Variants in IQSEC1 observed in about 807,000 individuals in gnomAD.
The protein encoded by IQSEC1 is IQ motif and Sec7 domain ArfGEF 1.
In IQSEC1, 31 loss-of-function variants were observed where a neutral mutation model predicts 91.0. The ratio of observed to expected loss-of-function variants is 0.34; its 90% CI spans 0.26 to 0.46. IQSEC1 has a LOEUF of 0.46. Among genes scored for constraint, IQSEC1 ranks in the 20% least tolerant of loss-of-function variants. The probability of loss-of-function intolerance (pLI) is 1.00; values close to 1 mark genes in which losing one functional copy is unlikely to be tolerated. For missense variants in IQSEC1, 1,388 were observed against 1,575.6 expected (o/e 0.88, Z 2.02); for synonymous variants, 699 against 662.6 (o/e 1.05, Z -0.84).
intron 1 of IQSEC1, among the ~76,000 whole-genome samples, chr3:12,961,284 C>T (rs1576052244): frequency 1.3e-5 from 2 of 152,250 alleles, no homozygotes; most frequent in African/African-American, 4.8e-5. Context: ...GGGGCCTCTA[C>T]CTTGATGTCC....
intron 2 of IQSEC1, among the ~76,000 whole-genome samples, chr3:13,113,722 C>A (rs537586239): frequency 1.3e-5 from 2 of 152,166 alleles, no homozygotes; most frequent in Admixed American, 6.5e-5. Flanking sequence ...CAGCCCCCAG[C>A]GTGGGCCGCA....
At chr3:13,058,896 C>T (rs561631126) in intron 1 of IQSEC1, among the ~76,000 whole-genome samples, 113 of 152,248 alleles carry the variant, frequency 7.4e-4, no homozygotes, top group African/African-American at 2.3e-3. Context: ...CCTCGGCCCA[C>T]GGGGTGCCTG....
intron 3 of IQSEC1, among the ~76,000 whole-genome samples, chr3:12,929,782 C>A (rs1697504239): frequency 1.3e-5 from 2 of 152,202 alleles, no homozygotes. Context: ...ATACCTGACC[C>A]ACCTCTGTAC....
chr3:13,038,042 C>T (rs1359552838), intron 1 of IQSEC1, among the ~76,000 whole-genome samples: 2 of 151,788 alleles, frequency 1.3e-5, no homozygotes, highest in African/African-American at 2.4e-5. Context: ...TTTAAAAAAG[C>T]AACTTGCAAT....
intron 2 of IQSEC1, among the ~76,000 whole-genome samples, chr3:13,157,691 G>A (rs1425341316): frequency 6.6e-6 from 1 of 152,234 alleles, no homozygotes; most frequent in South Asian, 2.1e-4. Flanking sequence ...CACTCTACAA[G>A]CAGCTGCTAC....
At chr3:13,033,437 T>C (rs1703920853) in intron 1 of IQSEC1, among the ~76,000 whole-genome samples, 1 of 152,224 alleles carries the variant, frequency 6.6e-6, no homozygotes, top group Non-Finnish European at 1.5e-5. Context: ...TGTATGTGGC[T>C]GTGTTCTCCC....
intron 1 of IQSEC1, among the ~76,000 whole-genome samples, chr3:13,032,561 GA>G (rs1308021476): frequency 6.6e-6 from 1 of 151,346 alleles, no homozygotes; most frequent in Admixed American, 6.6e-5. Context: ...GAACCAAGTA[GA>G]AAAAACTAAT....
intron 1 of IQSEC1, among the ~76,000 whole-genome samples, chr3:13,178,602 T>C (rs1028360628): frequency 5.3e-5 from 8 of 152,242 alleles, no homozygotes; most frequent in Non-Finnish European, 1.2e-4. Context: ...GTAAGCCCCC[T>C]GGGGCTCTGT....
intron 1 of IQSEC1, among the ~76,000 whole-genome samples, chr3:13,256,777 C>A (rs1695292870): frequency 6.6e-6 from 1 of 152,152 alleles, no homozygotes; most frequent in Admixed American, 6.5e-5. Context: ...CGTCAGGTGG[C>A]AAACACCATG....
intron 1 of IQSEC1, among the ~76,000 whole-genome samples, chr3:13,252,975 G>A (rs867540413): frequency 1.8e-4 from 27 of 152,128 alleles, no homozygotes; most frequent in East Asian, 1.7e-3. Flanking sequence ...CTCGTGATCC[G>A]CCCGCCTCGG....
chr3:13,227,277 G>T (rs1694769321), intron 1 of IQSEC1, among the ~76,000 whole-genome samples: 1 of 149,000 alleles, frequency 6.7e-6, no homozygotes, highest in Non-Finnish European at 1.5e-5. Context: ...TCGGGAGGCT[G>T]AGGCAGGAGA....
chr3:13,045,381 C>T (rs1259310684), intron 1 of IQSEC1, among the ~76,000 whole-genome samples: 1 of 152,200 alleles, frequency 6.6e-6, no homozygotes, highest in Admixed American at 6.5e-5. Flanking sequence ...GACTGCTCAA[C>T]GAGGGATCCT....
intron 1 of IQSEC1, chr3:13,015,568 T>C (rs1283739379): frequency 2.1e-5 from 21 of 984,972 alleles, no homozygotes; most frequent in Non-Finnish European, 2.3e-5. Context: ...GCCAGGTGGG[T>C]GGTACTCACA....
chr3:12,902,912 G>A, intron 12 of IQSEC1, 90 bp from the exon 13 acceptor site: 5 of 989,008 alleles, frequency 5.1e-6, no homozygotes, highest in Non-Finnish European at 8.0e-6. Context: ...CACGGAGCCT[G>A]CACCCCTGCT....
intron 1 of IQSEC1, among the ~76,000 whole-genome samples, chr3:12,977,878 GA>G (rs1212269228): frequency 6.6e-6 from 1 of 152,220 alleles, no homozygotes; most frequent in Non-Finnish European, 1.5e-5. Flanking sequence ...CACTGATTGA[GA>G]ATTAATGGAG....
chr3:12,955,571 G>A (rs941163192), intron 1 of IQSEC1, among the ~76,000 whole-genome samples: 1 of 152,220 alleles, frequency 6.6e-6, no homozygotes, highest in Non-Finnish European at 1.5e-5. Flanking sequence ...CAATCTGCCC[G>A]AGGATCTCAC....
chr3:13,162,557 G>A (rs922004712), intron 2 of IQSEC1, among the ~76,000 whole-genome samples: 4 of 152,184 alleles, frequency 2.6e-5, no homozygotes, highest in African/African-American at 9.7e-5. Flanking sequence ...TGGAGGCCCT[G>A]CCCCTTGCCC....
At chr3:12,969,378 C>A (rs796084979) in intron 1 of IQSEC1, among the ~76,000 whole-genome samples, 14 of 152,276 alleles carry the variant, frequency 9.2e-5, no homozygotes, top group African/African-American at 3.4e-4. Flanking sequence ...GACCGCAATA[C>A]CACCTCACAC....
At chr3:13,121,027 C>A in intron 2 of IQSEC1, among the ~76,000 whole-genome samples, 1 of 152,212 alleles carries the variant, frequency 6.6e-6, no homozygotes, top group East Asian at 1.9e-4. Context: ...CCCTGCAACC[C>A]CTTGACCACA....
Sources: allele counts gnomAD v4.1 joint callset (sites outside exome capture counted in the v4.1 genomes callset), GRCh38; gene constraint gnomAD v4.1.1; transcripts MANE v1.5; gene names NCBI Gene and HGNC (gene_info 2026-07-23, HGNC 2026-07-21).